KATNAL2: variants seen among roughly 807,000 people sequenced by gnomAD.
KATNAL2 encodes the protein katanin p60 ATPase-containing subunit A-like 2.
A neutral mutation model predicts 76.3 loss-of-function variants in KATNAL2; 52 were observed. The ratio of observed to expected loss-of-function variants is 0.68; its 90% CI spans 0.55 to 0.86. KATNAL2 has a LOEUF of 0.86. KATNAL2 is among the 40% of genes least tolerant of loss of function. The pLI, the probability that KATNAL2 is intolerant of heterozygous loss-of-function variation, is 0.00. For missense variants in KATNAL2, 660 were observed against 668.9 expected (o/e 0.99, Z 0.15); for synonymous variants, 243 against 244.2 (o/e 1.00, Z 0.05).
At chr18:47,033,844 T>C (rs2060618120) in intron 3 of KATNAL2, 3 of 1,614,122 alleles carry the variant, frequency 1.9e-6, no homozygotes, top group East Asian at 2.2e-5. Context: ...AAGCGGATCG[T>C]AGTTGGCCTG....
chr18:47,070,097 C>CT (rs34614350), intron 13 of KATNAL2, among the ~76,000 whole-genome samples: 26,650 of 134,844 alleles, frequency 0.2, 2,881 homozygotes, highest in South Asian at 0.25. Context: ...TTTTTGCTTT[C>CT]TTTTTTTTTT....
chr18:47,084,475 GT>G (rs769830461), intron 15 of KATNAL2: 26 of 696,228 alleles, frequency 3.7e-5, no homozygotes, highest in East Asian at 2.7e-4. Flanking sequence ...ATGAGATCTA[GT>G]GGCCTGGTAT....
intron 15 of KATNAL2, among the ~76,000 whole-genome samples, chr18:47,084,676 C>T (rs1429500312): frequency 2.0e-5 from 3 of 151,644 alleles, no homozygotes; most frequent in Non-Finnish European, 2.9e-5. Flanking sequence ...TGATGAAACT[C>T]TATCTCTACT....
chr18:47,034,919 C>T (rs2060692271), intron 3 of KATNAL2: 2 of 1,611,952 alleles, frequency 1.2e-6, no homozygotes, highest in East Asian at 2.2e-5. Flanking sequence ...GGGGCCGTCG[C>T]GTTTTCTGGG....
chr18:46,928,111 T>A (rs2058787912), intron 1 of KATNAL2, among the ~76,000 whole-genome samples: 2 of 152,252 alleles, frequency 1.3e-5, no homozygotes, highest in Admixed American at 1.3e-4. Flanking sequence ...CATCCAGCTT[T>A]GTTCCGTTGC....
At chr18:46,927,030 T>G (rs1452371907) in intron 1 of KATNAL2, among the ~76,000 whole-genome samples, 1 of 152,132 alleles carries the variant, frequency 6.6e-6, no homozygotes, top group Non-Finnish European at 1.5e-5. Flanking sequence ...GGTCTTGACT[T>G]TTTATCCAAT....
chr18:46,932,475 G>A (rs1446714218), intron 1 of KATNAL2, among the ~76,000 whole-genome samples: 1 of 151,492 alleles, frequency 6.6e-6, no homozygotes, highest in East Asian at 2.0e-4. Flanking sequence ...AGGAGTTTGA[G>A]ACCAGCCTGG....
intron 11 of KATNAL2, among the ~76,000 whole-genome samples, chr18:47,067,565 C>T (rs2061853063): frequency 6.6e-6 from 1 of 152,174 alleles, no homozygotes; most frequent in Non-Finnish European, 1.5e-5. Context: ...GAAGACTAGA[C>T]AGCCCCTTCC....
intron 1 of KATNAL2, among the ~76,000 whole-genome samples, chr18:46,918,398 C>G (rs1448766633): frequency 1.3e-5 from 2 of 152,198 alleles, no homozygotes; most frequent in Non-Finnish European, 2.9e-5. Flanking sequence ...CACTACCCCT[C>G]GTTTCATCCG....
rs998629650 is a variant in KATNAL2, at chr18:47,072,907, C to G, written c.1009-2370C>G. Among the ~76,000 whole-genome samples, 5 of 152,208 alleles carry G rather than the reference C, an allele frequency of 3.3e-5. No homozygotes were observed. The East Asian group carries it at 9.7e-4, about 29-fold the overall frequency. The stretch of plus-strand genomic sequence containing the variant: ...AGTTCATTGCATAAATGTGCCAAAA[C>G]GTATTTAACCAGTCTTTGCTTGATG... On this transcript the variant is annotated intron_variant, in intron 13 of 17. Transcript: ENST00000683218.
At chr18:46,918,429 C>T (rs906450323) in intron 1 of KATNAL2, among the ~76,000 whole-genome samples, 2 of 152,206 alleles carry the variant, frequency 1.3e-5, no homozygotes, top group African/African-American at 2.4e-5. Flanking sequence ...CCAGGTCTTC[C>T]TTCCACTCCC....
rs1487544875 is a variant in KATNAL2, at chr18:46,917,634, G to T, written c.-802G>T. The T allele has an allele frequency of 6.0e-6, 5 of 829,380 alleles. No homozygotes were observed. The highest frequency in any genetic ancestry group is 3.7e-5 in the African/African-American group (2 of 54,046). 51.4% of individuals were successfully genotyped at this position (829,380 alleles called of 1,614,324 possible). A position where few individuals can be genotyped will look rare whatever the true frequency, so the allele number is the denominator to read the frequency against. ...GCGGCGACAGCGCCCGCCCGCGCCT[G>T]CCCCGGCGTGCTGCCCCGCGGCTTG... On this transcript the variant is annotated 5_prime_UTR_variant, in exon 1 of 18. Transcript: ENST00000683218.
chr18:47,086,780 G>C (rs901812807), intron 15 of KATNAL2, among the ~76,000 whole-genome samples: 21 of 152,202 alleles, frequency 1.4e-4, no homozygotes, highest in African/African-American at 4.6e-4. Context: ...GAAGTATACT[G>C]TGCAGGATTT....
intron 7 of KATNAL2, among the ~76,000 whole-genome samples, chr18:47,058,554 G>C (rs529677826): frequency 5.3e-5 from 8 of 152,072 alleles, no homozygotes; most frequent in African/African-American, 1.9e-4. Context: ...CTTAACTTGA[G>C]TGGGAGGACT....
chr18:47,064,577 G>T (rs1353283724), intron 10 of KATNAL2, among the ~76,000 whole-genome samples: 2 of 152,152 alleles, frequency 1.3e-5, no homozygotes, highest in Admixed American at 1.3e-4. Flanking sequence ...GAATAGCAAA[G>T]AAAAGGAGAT....
intron 3 of KATNAL2, among the ~76,000 whole-genome samples, chr18:46,962,351 G>C (rs1228342350): frequency 9.4e-6 from 1 of 106,294 alleles, no homozygotes; most frequent in African/African-American, 4.4e-5. Context: ...CGTAGTCGGA[G>C]TTATCAGTGT....
intron 16 of KATNAL2, among the ~76,000 whole-genome samples, chr18:47,100,023 C>T (rs1326738757): frequency 6.6e-6 from 1 of 152,164 alleles, no homozygotes; most frequent in African/African-American, 2.4e-5. Flanking sequence ...CATCTTACAG[C>T]ATATTTCGAT....
intron 15 of KATNAL2, among the ~76,000 whole-genome samples, chr18:47,088,322 T>G (rs1302990149): frequency 1.3e-5 from 2 of 152,212 alleles, no homozygotes; most frequent in Non-Finnish European, 2.9e-5. Context: ...AGTCCTCATC[T>G]TTCCACCATT....
chr18:47,059,510 T>C, intron 7 of KATNAL2, 46 bp from the exon 8 acceptor site: 1 of 1,370,980 alleles, frequency 7.3e-7, no homozygotes, highest in Non-Finnish European at 1.0e-6. Flanking sequence ...CCAGCAACTC[T>C]CCATGGCTGC....
Sources: allele counts gnomAD v4.1 joint callset (sites outside exome capture counted in the v4.1 genomes callset), GRCh38; gene constraint gnomAD v4.1.1; transcripts MANE v1.5; gene names NCBI Gene and HGNC (gene_info 2026-07-23, HGNC 2026-07-21).